ACAD11: variants seen among roughly 807,000 people sequenced by gnomAD.
ACAD11 encodes acyl-CoA dehydrogenase family member 11, also known as acyl-Coenzyme A dehydrogenase family, member 11.
A neutral mutation model predicts 102.2 loss-of-function variants in ACAD11; 83 were observed. That is an observed-to-expected ratio of 0.81 (90% CI 0.68 to 0.97). The LOEUF is 0.97. Ranked by LOEUF, ACAD11 falls within the 50% of genes least tolerant of loss-of-function variation. The pLI is 0.00. For missense variants in ACAD11, 901 were observed against 951.7 expected, an observed-to-expected ratio of 0.95 and a Z score of 0.70; for synonymous variants, 324 against 319.8, an observed-to-expected ratio of 1.01 and a Z score of -0.14.
intron 17 of ACAD11, among the ~76,000 whole-genome samples, chr3:132,569,788 G>T (rs1188590681): frequency 6.6e-6 from 1 of 152,198 alleles, no homozygotes; most frequent in Non-Finnish European, 1.5e-5. Context: ...ATTAGTGGTT[G>T]CCAGGAGTTA....
At position 132,591,726 on chromosome 3, in the gene ACAD11, C is replaced by CA. The variant is rs1423644578; in HGVS notation, c.1621+11502dup. Among the ~76,000 whole-genome samples the CA allele has an allele frequency of 2.6e-5, 4 of 152,060 alleles. No individual in the cohort carries two copies. The South Asian group carries it at 8.3e-4, about 32-fold the overall frequency. On this transcript the variant is annotated intron_variant, in intron 13 of 19. Coordinates refer to ENST00000264990, the MANE Select transcript of ACAD11 (RefSeq NM_032169.5). ...GCAACCTAGCGACACCTCGTCTATA[C>CA]AAAAAAATTTAAAAATTCACCAAGC...
chr3:132,588,354 C>A (rs1411657558), intron 13 of ACAD11, among the ~76,000 whole-genome samples: 1 of 152,128 alleles, frequency 6.6e-6, no homozygotes. Context: ...ATCAGGTCTT[C>A]ACTTACCCAG....
intron 11 of ACAD11, chr3:132,618,431 T>C (rs963205945): frequency 5.6e-5 from 29 of 521,128 alleles, no homozygotes; most frequent in African/African-American, 5.2e-4. Context: ...TACTCTTAAT[T>C]GTAATGATAT....
chr3:132,558,817 C>CCACT lies in ACAD11; in HGVS notation c.*150_*153dup, dbSNP rs1936958560. 2 of 594,088 alleles carry CCACT rather than the reference C, an allele frequency of 3.4e-6. No homozygotes were observed. The highest frequency in any genetic ancestry group is 5.9e-6 in the Non-Finnish European group (2 of 340,606). The allele number at this position is 594,088 out of a possible 1,614,324, so 36.8% of individuals were successfully genotyped here. On this transcript the variant is annotated 3_prime_UTR_variant, in exon 20 of 20. Coordinates refer to ENST00000264990, the MANE Select transcript of ACAD11 (RefSeq NM_032169.5). ...TGTGTGACCCTTGAAATAATAAAAC[C>CCACT]CACTGATCAAAATAGATGCTATAAT...
At chr3:132,604,092 T>C (rs879398215) in intron 12 of ACAD11, among the ~76,000 whole-genome samples, 1 of 152,214 alleles carries the variant, frequency 6.6e-6, no homozygotes, top group East Asian at 1.9e-4. Context: ...CTATTACTGA[T>C]TTAAACGGAG....
At position 132,603,236 on chromosome 3, in the gene ACAD11, C is replaced by G. The variant is rs1236224813; in HGVS notation, c.1614G>C (p.Trp538Cys). The G allele has an allele frequency of 6.2e-7, 1 of 1,613,874 alleles. No individual in the cohort carries two copies. The highest frequency in any genetic ancestry group is 1.7e-5 in the Admixed American group (1 of 60,020). ...ATTAGGCTGAACACTCACCACTGCT[C>G]CACCATTTTTTGCCGTTAATTACAT... ...DSYVINGKKW[W>C]SSGAGNPKCK... The change falls in exon 13 of 20, where the codon TGG becomes TGC. Residue 538 changes from tryptophan (W) to cysteine (C), a missense_variant. Trp to Cys is a radical substitution (Grantham distance 215). Transcript: ENST00000264990.
chr3:132,602,514 A>AC (rs1341690859), intron 13 of ACAD11, among the ~76,000 whole-genome samples: 1 of 152,220 alleles, frequency 6.6e-6, no homozygotes, highest in Non-Finnish European at 1.5e-5. Flanking sequence ...AAAAATATGT[A>AC]CCACAATAAA....
chr3:132,659,087 C>T (rs1240980277), intron 1 of ACAD11, among the ~76,000 whole-genome samples: 2 of 152,160 alleles, frequency 1.3e-5, no homozygotes, highest in Non-Finnish European at 2.9e-5. Context: ...CTCTCAGGAT[C>T]CTCTCACTCA....
At chr3:132,600,824 A>G (rs1290779801) in intron 13 of ACAD11, 1 of 1,614,050 alleles carries the variant, frequency 6.2e-7, no homozygotes, top group Non-Finnish European at 8.5e-7. Flanking sequence ...GGCAGTAACT[A>G]AAGTCCCCAG....
intron 5 of ACAD11, among the ~76,000 whole-genome samples, chr3:132,635,101 TAAAG>T (rs991181355): frequency 6.7e-6 from 1 of 150,264 alleles, no homozygotes; most frequent in African/African-American, 2.4e-5. Context: ...AATAAAAAAA[TAAAG>T]AAAAAGATTA....
intron 13 of ACAD11, among the ~76,000 whole-genome samples, chr3:132,588,469 A>G (rs1280125153): frequency 2.0e-5 from 3 of 152,202 alleles, no homozygotes; most frequent in East Asian, 3.8e-4. Flanking sequence ...GAGAAATGCA[A>G]TGCTCACTTC....
intron 17 of ACAD11, among the ~76,000 whole-genome samples, chr3:132,562,399 T>C (rs1937089201): frequency 6.6e-6 from 1 of 152,152 alleles, no homozygotes; most frequent in Admixed American, 6.6e-5. Flanking sequence ...CATCGCGAGA[T>C]TATTCATAGA....
At chr3:132,621,901 C>T (rs1425000336) in intron 9 of ACAD11, among the ~76,000 whole-genome samples, 3 of 150,980 alleles carry the variant, frequency 2.0e-5, no homozygotes, top group African/African-American at 4.9e-5. Flanking sequence ...ATCACTTGAA[C>T]CCAGGAAGCA....
At chr3:132,598,039 C>CA (rs1301706181) in intron 13 of ACAD11, among the ~76,000 whole-genome samples, 1 of 151,990 alleles carries the variant, frequency 6.6e-6, no homozygotes, top group Admixed American at 6.5e-5. Context: ...TATATTCATT[C>CA]AAAAAAAGTT....
intron 17 of ACAD11, among the ~76,000 whole-genome samples, chr3:132,572,199 A>G (rs1937399815): frequency 6.6e-6 from 1 of 152,214 alleles, no homozygotes; most frequent in Non-Finnish European, 1.5e-5. Flanking sequence ...TTAAGCTGAT[A>G]AACAACTTCA....
intron 1 of ACAD11, among the ~76,000 whole-genome samples, chr3:132,652,130 T>A (rs1576625580): frequency 6.6e-6 from 1 of 152,174 alleles, no homozygotes; most frequent in East Asian, 1.9e-4. Flanking sequence ...TTCCCATGTA[T>A]CATGGGTGAG....
At chr3:132,611,376 CA>C (rs1281907695) in intron 11 of ACAD11, among the ~76,000 whole-genome samples, 1 of 151,788 alleles carries the variant, frequency 6.6e-6, no homozygotes, top group African/African-American at 2.4e-5. Flanking sequence ...CTGGCCAGGG[CA>C]ATCAAGCAGG....
chr3:132,562,756 C>T (rs955512916), intron 17 of ACAD11, among the ~76,000 whole-genome samples: 1 of 152,134 alleles, frequency 6.6e-6, no homozygotes, highest in African/African-American at 2.4e-5. Context: ...GTCTTTTGTC[C>T]ATTTTTTAAT....
Position 132,561,191 on chromosome 3 carries a change from T to C in ACAD11, c.2028A>G (p.Glu676=). 1 of 1,613,326 alleles carries C rather than the reference T, an allele frequency of 6.2e-7. No individual in the cohort carries two copies. Among genetic ancestry groups the C allele is most frequent in the Non-Finnish European group, 8.5e-7 (1 of 1,179,552 alleles). Residue 676 remains glutamate, a synonymous_variant, in exon 18 of 20, where the codon GAA becomes GAG. Coordinates refer to ENST00000264990, the MANE Select transcript of ACAD11 (RefSeq NM_032169.5). ...GGATCTTCTCAATGGCAATGCGGCTTTCAGCAATCCAGTGAGCCACAACCT... is the reference window on the plus strand; with the variant it reads ...GGATCTTCTCAATGGCAATGCGGCTCTCAGCAATCCAGTGAGCCACAACCT... ...AHEVVAHWIA[E]SRIAIEKIRL... is the part of the protein sequence containing the mutation.
Sources: gnomAD v4.1 joint callset for allele counts (sites outside exome capture counted in the v4.1 genomes callset) on GRCh38, gnomAD v4.1.1 for gene constraint, MANE v1.5 for transcripts, NCBI Gene and HGNC (gene_info 2026-07-23, HGNC 2026-07-21) for gene names.